Variants in HDAC9 observed in about 807,000 individuals in gnomAD.
HDAC9 encodes MEF-2 interacting transcription repressor (MITR) protein.
HDAC9 carries 41 observed loss-of-function variants against 139.4 expected under a neutral mutation model. The ratio of observed to expected loss-of-function variants is 0.29; its 90% CI spans 0.23 to 0.38. HDAC9 has a LOEUF of 0.38. Among genes scored for constraint, HDAC9 ranks in the 10% least tolerant of loss-of-function variants. The pLI is 1.00. For synonymous variants in HDAC9, 517 were observed against 476.2 expected, an observed-to-expected ratio of 1.09 and a Z score of -1.12; for missense variants, 1,147 against 1,297.0, an observed-to-expected ratio of 0.88 and a Z score of 1.78.
intron 1 of HDAC9, among the ~76,000 whole-genome samples, chr7:18,153,910 C>T (rs1374519482): frequency 1.3e-5 from 2 of 152,106 alleles, no homozygotes; most frequent in East Asian, 3.9e-4. Context: ...TCTGCTTGTG[C>T]CTAGAGATGT....
chr7:18,610,863 A>G (rs930790282), intron 6 of HDAC9, among the ~76,000 whole-genome samples: 2 of 152,168 alleles, frequency 1.3e-5, no homozygotes, highest in African/African-American at 4.8e-5. Flanking sequence ...TGCTATTCCC[A>G]TGTACACATT....
intron 1 of HDAC9, among the ~76,000 whole-genome samples, chr7:18,132,400 G>C (rs137909937): frequency 1.7e-4 from 26 of 151,782 alleles, no homozygotes; most frequent in African/African-American, 6.3e-4. Context: ...TTTTCTTTTT[G>C]TTTTTGTTTG....
intron 25 of HDAC9, among the ~76,000 whole-genome samples, chr7:18,991,844 A>G (rs1469696146): frequency 6.6e-6 from 1 of 152,226 alleles, no homozygotes; most frequent in African/African-American, 2.4e-5. Flanking sequence ...GATGGTAAAC[A>G]TTCAATTAGA....
intron 2 of HDAC9, among the ~76,000 whole-genome samples, chr7:18,182,211 G>A (rs778164641): frequency 6.6e-6 from 1 of 152,192 alleles, no homozygotes; most frequent in African/African-American, 2.4e-5. Flanking sequence ...AGGTCATTGT[G>A]AAGGTATATT....
At chr7:18,818,219 TG>T (rs1054033995) in intron 17 of HDAC9, among the ~76,000 whole-genome samples, 4 of 152,216 alleles carry the variant, frequency 2.6e-5, no homozygotes, top group African/African-American at 7.2e-5. Flanking sequence ...AGTACCTTAG[TG>T]CTGATACTTA....
chr7:18,936,330 C>A (rs1781631134), intron 23 of HDAC9, among the ~76,000 whole-genome samples: 1 of 152,046 alleles, frequency 6.6e-6, no homozygotes, highest in South Asian at 2.1e-4. Context: ...TTTTTGTCAC[C>A]ATTTAAGAAT....
intron 11 of HDAC9, among the ~76,000 whole-genome samples, chr7:18,648,962 A>G (rs890977248): frequency 6.6e-6 from 1 of 152,190 alleles, no homozygotes; most frequent in African/African-American, 2.4e-5. Context: ...ATACGGGCAT[A>G]TGTATATGGA....
chr7:18,798,287 T>G (rs982892413), intron 17 of HDAC9, among the ~76,000 whole-genome samples: 1 of 152,134 alleles, frequency 6.6e-6, no homozygotes, highest in Non-Finnish European at 1.5e-5. Context: ...CTTTTCTCCA[T>G]AAAAACAATG....
chr7:18,833,296 A>G (rs192095151), intron 19 of HDAC9, among the ~76,000 whole-genome samples: 3 of 152,358 alleles, frequency 2.0e-5, no homozygotes, highest in Non-Finnish European at 2.9e-5. Context: ...ATAATTTTAT[A>G]TCTGAGAGAA....
At chr7:18,200,217 G>A (rs1013579055) in intron 2 of HDAC9, among the ~76,000 whole-genome samples, 5 of 152,184 alleles carry the variant, frequency 3.3e-5, no homozygotes, top group African/African-American at 1.2e-4. Context: ...GCAGTTACCT[G>A]TAATTTGTAA....
chr7:18,685,620 G>T (rs1242352679), intron 12 of HDAC9, among the ~76,000 whole-genome samples: 1 of 151,714 alleles, frequency 6.6e-6, no homozygotes, highest in Non-Finnish European at 1.5e-5. Context: ...ATTCTAACTA[G>T]TAGAAAAAAG....
chr7:18,157,442 A>G (rs1787294006), intron 1 of HDAC9, among the ~76,000 whole-genome samples: 1 of 152,212 alleles, frequency 6.6e-6, no homozygotes, highest in Non-Finnish European at 1.5e-5. Flanking sequence ...ACCAAATTGT[A>G]GTTACTGACT....
chr7:18,462,639 TC>T (rs1793948953), intron 1 of HDAC9, among the ~76,000 whole-genome samples: 1 of 152,074 alleles, frequency 6.6e-6, no homozygotes, highest in Admixed American at 6.6e-5. Flanking sequence ...TTGTATATAT[TC>T]TTTTGTGACT....
At position 18,862,063 on chromosome 7, in the gene HDAC9, C is replaced by A. The variant is rs1798148054; in HGVS notation, c.2685-12415C>A. ...AATCTCTTTAGAAGTGATAATTTAG[C>A]CCCCAAAATATAGCTTATACAAATT... On this transcript the variant is annotated intron_variant, in intron 21 of 25. Transcript: ENST00000686413. Among the ~76,000 whole-genome samples the A allele has an allele frequency of 3.3e-5, 5 of 152,088 alleles. No individual in the cohort carries two copies. In the South Asian group the frequency reaches 1.0e-3, roughly 32 times the overall value.
At chr7:18,479,701 C>G (rs1336083169) in intron 1 of HDAC9, among the ~76,000 whole-genome samples, 4 of 152,076 alleles carry the variant, frequency 2.6e-5, no homozygotes, top group African/African-American at 9.7e-5. Context: ...TATCCATGGA[C>G]AAAATGTATC....
At chr7:18,913,618 A>G (rs1480798620) in intron 22 of HDAC9, among the ~76,000 whole-genome samples, 1 of 152,082 alleles carries the variant, frequency 6.6e-6, no homozygotes, top group Non-Finnish European at 1.5e-5. Context: ...TAATATTGAC[A>G]TCACAGCATA....
chr7:18,309,327 T>C (rs1301404874), intron 1 of HDAC9, among the ~76,000 whole-genome samples: 5 of 152,216 alleles, frequency 3.3e-5, no homozygotes, highest in Non-Finnish European at 5.9e-5. Flanking sequence ...TTCGAGGAAC[T>C]GCTTGTTTAA....
At chr7:18,527,554 A>G (rs959240427) in intron 2 of HDAC9, among the ~76,000 whole-genome samples, 14 of 152,166 alleles carry the variant, frequency 9.2e-5, no homozygotes, top group African/African-American at 3.4e-4. Context: ...GGTTTTATCT[A>G]AATTAGCATT....
At chr7:18,938,752 G>A (rs1781827596) in intron 23 of HDAC9, among the ~76,000 whole-genome samples, 1 of 152,132 alleles carries the variant, frequency 6.6e-6, no homozygotes, top group Non-Finnish European at 1.5e-5. Flanking sequence ...ATCACCAACT[G>A]GTCAGAGTTT....
Sources: allele counts gnomAD v4.1 joint callset (sites outside exome capture counted in the v4.1 genomes callset), GRCh38; gene constraint gnomAD v4.1.1; transcripts MANE v1.5; gene names NCBI Gene and HGNC (gene_info 2026-07-23, HGNC 2026-07-21).